Variants in ASAP1 observed in about 807,000 individuals in gnomAD.
ASAP1 encodes the protein ArfGAP with SH3 domain, ankyrin repeat and PH domain 1.
Under a neutral mutation model 145.2 loss-of-function variants are expected in ASAP1, and 43 were observed. The ratio of observed to expected loss-of-function variants is 0.30; its 90% CI spans 0.23 to 0.38. ASAP1 has a LOEUF of 0.38. Ranked by LOEUF, ASAP1 falls within the 10% of genes least tolerant of loss-of-function variation. The pLI, the probability that ASAP1 is intolerant of heterozygous loss-of-function variation, is 1.00. For missense variants in ASAP1, 1,018 were observed against 1,355.3 expected (o/e 0.75, Z 3.91); for synonymous variants, 546 against 515.5 (o/e 1.06, Z -0.80).
chr8:130,344,557 T>C (rs569974476), intron 3 of ASAP1, among the ~76,000 whole-genome samples: 28 of 152,252 alleles, frequency 1.8e-4, no homozygotes, highest in African/African-American at 6.7e-4. Flanking sequence ...TGCTATTGCA[T>C]GTGCAAAAAT....
Position 130,072,830 on chromosome 8 carries a change from C to CGCGCGCGCGCGCGCGCGCGG in ASAP1, c.2701+3517_2701+3518insCCGCGCGCGCGCGCGCGCGC, listed in dbSNP as rs1448184178. ...GTGTGTGTGTGTGTGTGTGTGCGCG[C>CGCGCGCGCGCGCGCGCGCGG]GGGGGGGGGCAGTTTTGGGGACTGA... On this transcript the variant is annotated intron_variant, in intron 27 of 29. Coordinates refer to ENST00000518721, the MANE Select transcript of ASAP1 (RefSeq NM_018482.4). Among the ~76,000 whole-genome samples the CGCGCGCGCGCGCGCGCGCGG allele has an allele frequency of 1.6e-4, 5 of 31,912 alleles. 1 individual carries two copies. The highest frequency in any genetic ancestry group is 3.5e-4 in the Admixed American group (1 of 2,854). 20.9% of individuals were successfully genotyped at this position (31,912 alleles called of 152,430 possible). A position where few individuals can be genotyped will look rare whatever the true frequency, so the allele number is the denominator to read the frequency against.
At chr8:130,401,808 A>G in intron 2 of ASAP1, 77 bp downstream of exon 2, 1 of 1,412,738 alleles carries the variant, frequency 7.1e-7, no homozygotes, top group Non-Finnish European at 9.8e-7. Context: ...AAAATTTTGC[A>G]TTTCAACTCC....
chr8:130,318,972 G>A (rs895191914), intron 3 of ASAP1, among the ~76,000 whole-genome samples: 10 of 152,190 alleles, frequency 6.6e-5, no homozygotes, highest in African/African-American at 2.4e-4. Context: ...AAAGCTAGGA[G>A]TCTGCTTTAT....
chr8:130,233,785 C>A (rs79616166), intron 4 of ASAP1, among the ~76,000 whole-genome samples: 2,434 of 152,262 alleles, frequency 0.016, 35 homozygotes, highest in East Asian at 0.064. Flanking sequence ...TTTGATGTGC[C>A]AAACACCTAA....
At chr8:130,085,713 C>T (rs182379066) in intron 25 of ASAP1, among the ~76,000 whole-genome samples, 7 of 128,056 alleles carry the variant, frequency 5.5e-5, no homozygotes, top group Admixed American at 8.9e-5. Flanking sequence ...CCAGCCTAAG[C>T]GACAGAACAA....
At chr8:130,367,794 T>C (rs1163740245) in intron 2 of ASAP1, among the ~76,000 whole-genome samples, 1 of 152,372 alleles carries the variant, frequency 6.6e-6, no homozygotes, top group South Asian at 2.1e-4. Flanking sequence ...CCGTTAAAGA[T>C]ACCCTATATT....
intron 3 of ASAP1, among the ~76,000 whole-genome samples, chr8:130,308,610 C>T (rs987584716): frequency 6.6e-6 from 1 of 152,216 alleles, no homozygotes; most frequent in African/African-American, 2.4e-5. Flanking sequence ...GAATCCCAAA[C>T]ATGGAGAATC....
chr8:130,374,488 G>GGCGC (rs1239744764), intron 2 of ASAP1, among the ~76,000 whole-genome samples: 2 of 152,368 alleles, frequency 1.3e-5, no homozygotes, highest in African/African-American at 4.8e-5. Context: ...CGGGCGCGGT[G>GGCGC]GCGCACGCCT....
At chr8:130,285,157 C>G (rs1175808522) in intron 3 of ASAP1, among the ~76,000 whole-genome samples, 1 of 151,892 alleles carries the variant, frequency 6.6e-6, no homozygotes, top group Non-Finnish European at 1.5e-5. Context: ...ACTTGGCAAC[C>G]CACATTCATT....
At chr8:130,079,670 A>G (rs1039106629) in intron 26 of ASAP1, among the ~76,000 whole-genome samples, 3 of 152,076 alleles carry the variant, frequency 2.0e-5, no homozygotes, top group Admixed American at 2.0e-4. Context: ...CTGTCTGTGA[A>G]CTGGGTAGAC....
intron 1 of ASAP1, among the ~76,000 whole-genome samples, chr8:130,420,785 TGGAA>T (rs1829689081): frequency 6.6e-6 from 1 of 151,334 alleles, no homozygotes. Context: ...TCCCACTACT[TGGAA>T]GGCTGAGGCA....
chr8:130,168,616 ACAAAAACCC>A (rs1186573830), intron 10 of ASAP1, among the ~76,000 whole-genome samples: 1 of 152,090 alleles, frequency 6.6e-6, no homozygotes, highest in Non-Finnish European at 1.5e-5. Context: ...AAACAAACAA[ACAAAAACCC>A]CAAAAAACTC....
At chr8:130,426,627 C>A (rs1187039709) in intron 1 of ASAP1, among the ~76,000 whole-genome samples, 2 of 152,202 alleles carry the variant, frequency 1.3e-5, no homozygotes, top group Non-Finnish European at 2.9e-5. Flanking sequence ...TTTAATGTGC[C>A]ATGCATGCAG....
intron 2 of ASAP1, among the ~76,000 whole-genome samples, chr8:130,373,084 A>ACC (rs200162907): frequency 1.4e-5 from 2 of 140,426 alleles, no homozygotes; most frequent in Non-Finnish European, 3.1e-5. Flanking sequence ...ACACACAGAC[A>ACC]CCCCCCCACA....
At chr8:130,062,745 GTGTT>G (rs2097422165) in intron 27 of ASAP1, among the ~76,000 whole-genome samples, 1 of 152,222 alleles carries the variant, frequency 6.6e-6, no homozygotes, top group Admixed American at 6.5e-5. Flanking sequence ...CTGTGCTAGA[GTGTT>G]TGGCACAGTA....
At chr8:130,225,919 C>T (rs910139224) in intron 4 of ASAP1, among the ~76,000 whole-genome samples, 2 of 152,140 alleles carry the variant, frequency 1.3e-5, no homozygotes, top group African/African-American at 4.8e-5. Flanking sequence ...TGCTCTGTTG[C>T]CCAGGCTGTA....
rs776766033 is a variant in ASAP1 at position 130,401,905 on chromosome 8, C to T, written c.39G>A (p.Ser13=). 41 of 1,613,488 alleles carry T rather than the reference C, an allele frequency of 2.5e-5. No individual in the cohort carries two copies. Among genetic ancestry groups the T allele is most frequent in the Middle Eastern group, 1.6e-4 (1 of 6,076 alleles). ...CTCACCGATTCCATAGTGAATCTCT[C>T]GACGAAAAACTGGAGAGCCTGGAGG... The part of the protein sequence containing the change: ...SSASRLSSFS[S]RDSLWNRMPD... The change falls in exon 2 of 30, where the codon TCG becomes TCA. Residue 13 remains serine, a synonymous_variant. Transcript: ENST00000518721.
At chr8:130,071,253 T>C (rs2097445912) in intron 27 of ASAP1, among the ~76,000 whole-genome samples, 1 of 152,230 alleles carries the variant, frequency 6.6e-6, no homozygotes, top group Non-Finnish European at 1.5e-5. Flanking sequence ...ATTATAGGTA[T>C]GAGCCACTGC....
At chr8:130,328,472 G>GC (rs1824476518) in intron 3 of ASAP1, among the ~76,000 whole-genome samples, 1 of 152,244 alleles carries the variant, frequency 6.6e-6, no homozygotes, top group East Asian at 1.9e-4. Context: ...CTGATCATCT[G>GC]CCCCCTGTGG....
Sources: gnomAD v4.1 joint callset for allele counts (sites outside exome capture counted in the v4.1 genomes callset) on GRCh38, gnomAD v4.1.1 for gene constraint, MANE v1.5 for transcripts, NCBI Gene and HGNC (gene_info 2026-07-23, HGNC 2026-07-21) for gene names.